Variants in MAOB observed in about 807,000 individuals in gnomAD.
The protein encoded by MAOB is amine oxidase [flavin-containing] B.
A neutral mutation model predicts 41.9 loss-of-function variants in MAOB; 15 were observed. That is an observed-to-expected ratio of 0.36 (90% confidence interval 0.24 to 0.55). The LOEUF is 0.55. Among genes scored for constraint, MAOB ranks in the 20% least tolerant of loss-of-function variants. The pLI is 0.86. For missense variants in MAOB, 345 were observed against 398.7 expected (o/e 0.87, Z 1.15); for synonymous variants, 167 against 144.2 (o/e 1.16, Z -1.13).
At chrX:43,850,198 T>C (rs1487098274) in intron 1 of MAOB, 1 of 202,121 alleles carries the variant, frequency 4.9e-6, no homozygotes, top group East Asian at 2.5e-4. Context: ...TTAATGGGTG[T>C]TGCCTCAGCC....
intron 3 of MAOB, among the ~76,000 whole-genome samples, chrX:43,818,965 C>A (rs1041062683): frequency 1.2e-4 from 13 of 111,362 alleles, no homozygotes; most frequent in Non-Finnish European, 2.3e-4. Context: ...TGATGGCAAC[C>A]CTAGTCTTTG....
At chrX:43,793,069 CAA>C (rs1569214086) in intron 8 of MAOB, among the ~76,000 whole-genome samples, 1 of 111,992 alleles carries the variant, frequency 8.9e-6, no homozygotes, top group East Asian at 2.8e-4. Flanking sequence ...CTAAGTGAAT[CAA>C]TGTAGAAACA....
intron 3 of MAOB, among the ~76,000 whole-genome samples, chrX:43,822,862 C>T (rs1470144645): frequency 9.0e-6 from 1 of 110,990 alleles, no homozygotes; most frequent in African/African-American, 3.3e-5. Context: ...CCACCACCAC[C>T]AGTATCATCA....
chrX:43,857,159 AGAGAGAAGAAGAG>A (rs2035302499), intron 1 of MAOB, among the ~76,000 whole-genome samples: 3 of 58,554 alleles, frequency 5.1e-5, no homozygotes, highest in Admixed American at 2.0e-4. Context: ...AGAGAGAGAG[AGAGAGAAGAAGAG>A]AGAGAGAGAG....
chrX:43,775,070 T>TG, intron 12 of MAOB, 105 bp downstream of exon 12: 12 of 897,485 alleles, frequency 1.3e-5, no homozygotes, highest in Non-Finnish European at 1.4e-5. Context: ...TTTTTTTTTT[T>TG]TTTGTATTTA....
At chrX:43,824,824 G>A (rs1214307674) in intron 3 of MAOB, among the ~76,000 whole-genome samples, 1 of 113,416 alleles carries the variant, frequency 8.8e-6, no homozygotes, top group African/African-American at 3.2e-5. Context: ...ACACACACAT[G>A]CACACGCATG....
intron 1 of MAOB, among the ~76,000 whole-genome samples, chrX:43,857,108 TATATATATAGAGAGAGAGAGAGAG>T (rs1306502240): frequency 0.011 from 260 of 23,982 alleles, 1 homozygote; most frequent in Middle Eastern, 0.018. Context: ...TATATATATA[TATATATATAGAGAGAGAGAGAGAG>T]AGAGAGAGAG....
chrX:43,787,686 C>G (rs898058485), intron 8 of MAOB, among the ~76,000 whole-genome samples: 2 of 109,416 alleles, frequency 1.8e-5, no homozygotes, highest in African/African-American at 7.0e-5. Context: ...ATAAGTAGAG[C>G]TGCAAAAATG....
intron 1 of MAOB, among the ~76,000 whole-genome samples, chrX:43,874,407 T>C (rs1156315983): frequency 9.0e-6 from 1 of 111,529 alleles, no homozygotes; most frequent in Non-Finnish European, 1.9e-5. Flanking sequence ...ACCCAATACA[T>C]TATAATCAGC....
intron 12 of MAOB, among the ~76,000 whole-genome samples, chrX:43,772,662 A>T (rs1291519506): frequency 1.8e-5 from 2 of 111,951 alleles, no homozygotes; most frequent in Admixed American, 9.5e-5. Context: ...CCCATCTGAT[A>T]TAATATTTTG....
At chrX:43,791,553 C>T (rs913015591) in intron 8 of MAOB, among the ~76,000 whole-genome samples, 2 of 111,345 alleles carry the variant, frequency 1.8e-5, no homozygotes, top group African/African-American at 3.3e-5. Flanking sequence ...GTCAGGAGAT[C>T]GAGACCATCC....
chrX:43,822,521 A>G (rs1373403998), intron 3 of MAOB, among the ~76,000 whole-genome samples: 3 of 111,670 alleles, frequency 2.7e-5, no homozygotes, highest in Non-Finnish European at 5.6e-5. Flanking sequence ...TGAGATTCAG[A>G]TGAAGGAAGA....
chrX:43,844,746 T>A (rs1022923508), intron 1 of MAOB: 1 of 112,405 alleles, frequency 8.9e-6, no homozygotes, highest in Non-Finnish European at 1.9e-5. Context: ...CCTTTGGACA[T>A]CAGACTCCAG....
intron 12 of MAOB, among the ~76,000 whole-genome samples, chrX:43,774,587 A>G (rs1281565001): frequency 2.7e-5 from 3 of 112,068 alleles, no homozygotes; most frequent in Non-Finnish European, 5.6e-5. Context: ...CCTGTTTGGC[A>G]TGACAAAGTT....
intron 6 of MAOB, among the ~76,000 whole-genome samples, chrX:43,796,692 G>C (rs184059861): frequency 1.1e-3 from 122 of 111,710 alleles, no homozygotes; most frequent in South Asian, 1.9e-3. Flanking sequence ...CTAGCACAGT[G>C]CCTTATACAG....
At position 43,767,331 on chromosome X, in the gene MAOB, AG is replaced by A; in HGVS notation, c.*134del. 1 of 580,181 alleles carries A rather than the reference AG, an allele frequency of 1.7e-6. No homozygotes were observed. Among genetic ancestry groups the A allele is most frequent in the Admixed American group, 3.9e-5 (1 of 25,918 alleles). 47.8% of individuals were successfully genotyped at this position (580,181 alleles called of 1,213,427 possible). A position where few individuals can be genotyped will look rare whatever the true frequency, so the allele number is the denominator to read the frequency against. ...AAGAGATACCATGTATTTTACAGTC[AG>A]AGTTGGATTTATCTTCATGCTCCCC... On this transcript the variant is annotated 3_prime_UTR_variant, in exon 15 of 15. Coordinates refer to ENST00000378069, the MANE Select transcript of MAOB (RefSeq NM_000898.5).
chrX:43,846,709 A>G (rs2035206506), intron 1 of MAOB, among the ~76,000 whole-genome samples: 1 of 112,026 alleles, frequency 8.9e-6, no homozygotes, highest in East Asian at 2.8e-4. Flanking sequence ...ACCTCCCTCA[A>G]TGATGACTGA....
chrX:43,823,284 TG>T lies in MAOB; in HGVS notation c.279+15583del, dbSNP rs1457229331. On this transcript the variant is annotated intron_variant, in intron 3 of 14. Transcript: ENST00000378069. Reference sequence around the variant, plus strand: ...ACCTCCCGGGTTCCAGTGATTCTCCTGCCTCAGCCTCCCAAGTAATTGGGAT... The same window carrying T: ...ACCTCCCGGGTTCCAGTGATTCTCCTCCTCAGCCTCCCAAGTAATTGGGAT... Among the ~76,000 whole-genome samples the T allele has an allele frequency of 1.1e-3, 120 of 105,020 alleles. 1 individual carries two copies. The highest frequency in any genetic ancestry group is 3.8e-3 in the African/African-American group (109 of 28,694). The allele number at this position is 105,020 out of a possible 115,157, so 91.2% of individuals were successfully genotyped here.
At chrX:43,786,630 T>C (rs146242239) in intron 8 of MAOB, among the ~76,000 whole-genome samples, 217 of 111,969 alleles carry the variant, frequency 1.9e-3, no homozygotes, top group Non-Finnish European at 3.2e-3. Flanking sequence ...TCCCCTAATA[T>C]AAGAAGGCAA....
Sources: allele counts gnomAD v4.1 joint callset (sites outside exome capture counted in the v4.1 genomes callset), GRCh38; gene constraint gnomAD v4.1.1; transcripts MANE v1.5; gene names NCBI Gene and HGNC (gene_info 2026-07-23, HGNC 2026-07-21).